Variants in P3H2 observed in about 807,000 individuals in gnomAD.
P3H2 encodes prolyl 3-hydroxylase 2.
In P3H2, 80 loss-of-function variants were observed where a neutral mutation model predicts 87.0. The ratio of observed to expected loss-of-function variants is 0.92; its 90% confidence interval spans 0.77 to 1.11. The LOEUF (loss-of-function observed/expected upper bound fraction) is 1.11, where lower values mean the gene tolerates loss of function less well. P3H2 is among the 50% of genes least tolerant of loss of function. The pLI, the probability that P3H2 is intolerant of heterozygous loss-of-function variation, is 0.00. For synonymous variants in P3H2, 367 were observed against 359.3 expected (o/e 1.02, Z -0.24); for missense variants, 1,001 against 923.9 (o/e 1.08, Z -1.08).
At chr3:190,112,082 T>C (rs763251090) in intron 1 of P3H2, among the ~76,000 whole-genome samples, 11 of 152,238 alleles carry the variant, frequency 7.2e-5, no homozygotes, top group Admixed American at 2.0e-4. Context: ...TATGCGCCAT[T>C]TGAAATCCTC....
intron 5 of P3H2, 86 bp from the exon 6 acceptor site, chr3:189,986,963 T>C: frequency 1.1e-6 from 1 of 896,844 alleles, no homozygotes; most frequent in Non-Finnish European, 1.9e-6. Flanking sequence ...AATATTTTCA[T>C]TAGATAGTCA....
At chr3:190,060,188 T>C (rs1263231914) in intron 1 of P3H2, among the ~76,000 whole-genome samples, 1 of 152,152 alleles carries the variant, frequency 6.6e-6, no homozygotes, top group African/African-American at 2.4e-5. Flanking sequence ...ATTCACTGCT[T>C]TGGAGGTTCC....
intron 1 of P3H2, among the ~76,000 whole-genome samples, chr3:190,066,066 G>A (rs1200929812): frequency 6.6e-5 from 10 of 151,612 alleles, no homozygotes; most frequent in African/African-American, 2.2e-4. Flanking sequence ...TGGTCTGAGA[G>A]AGTACTTGAT....
At chr3:189,985,142 C>A (rs192522320) in intron 6 of P3H2, among the ~76,000 whole-genome samples, 1 of 151,598 alleles carries the variant, frequency 6.6e-6, no homozygotes, top group African/African-American at 2.4e-5. Flanking sequence ...TATAAAAACA[C>A]GGCATAAGAA....
chr3:190,081,986 G>C (rs149602302), intron 1 of P3H2, among the ~76,000 whole-genome samples: 15 of 152,290 alleles, frequency 9.8e-5, no homozygotes, highest in African/African-American at 2.9e-4. Context: ...GGGCACAATG[G>C]GTCACGCCTG....
At chr3:190,029,280 G>T (rs1005079232) in intron 1 of P3H2, among the ~76,000 whole-genome samples, 3 of 152,198 alleles carry the variant, frequency 2.0e-5, no homozygotes, top group African/African-American at 7.2e-5. Flanking sequence ...TTTAGTCTCA[G>T]TCTCATGCTG....
At chr3:190,117,242 A>G (rs2108528320) in intron 1 of P3H2, among the ~76,000 whole-genome samples, 1 of 152,314 alleles carries the variant, frequency 6.6e-6, no homozygotes, top group Non-Finnish European at 1.5e-5. Context: ...GAACCAAGAA[A>G]TTGAACTCAT....
At chr3:190,068,669 C>T (rs577262041) in intron 1 of P3H2, among the ~76,000 whole-genome samples, 9 of 152,064 alleles carry the variant, frequency 5.9e-5, no homozygotes, top group Admixed American at 2.0e-4. Context: ...TGAAGGTGGA[C>T]GAGTAGACAG....
intron 1 of P3H2, among the ~76,000 whole-genome samples, chr3:190,068,929 T>C (rs1271284806): frequency 1.3e-5 from 2 of 152,190 alleles, no homozygotes; most frequent in Admixed American, 6.6e-5. Context: ...TCACATTTAA[T>C]ATCCTATTAC....
chr3:190,027,654 A>T (rs1031747075), intron 1 of P3H2, among the ~76,000 whole-genome samples: 1 of 150,690 alleles, frequency 6.6e-6, no homozygotes. Context: ...AATGGCAAAA[A>T]CTGCAATTAC....
At chr3:190,054,111 C>T (rs181811929) in intron 1 of P3H2, among the ~76,000 whole-genome samples, 1 of 152,280 alleles carries the variant, frequency 6.6e-6, no homozygotes, top group East Asian at 1.9e-4. Context: ...GCATTATACT[C>T]CAAGACCACT....
At chr3:189,974,330 G>A in intron 9 of P3H2, 1 of 632,612 alleles carries the variant, frequency 1.6e-6, no homozygotes, top group Non-Finnish European at 2.7e-6. Context: ...CTAGATGGCT[G>A]TTGGGCTAGG....
intron 1 of P3H2, among the ~76,000 whole-genome samples, chr3:190,075,112 T>A (rs1261629930): frequency 1.3e-5 from 2 of 152,160 alleles, no homozygotes; most frequent in East Asian, 3.9e-4. Context: ...CTGACAGAGA[T>A]CCTGTTCTCA....
intron 1 of P3H2, among the ~76,000 whole-genome samples, chr3:190,084,462 T>C (rs1331903718): frequency 6.6e-6 from 1 of 152,216 alleles, no homozygotes; most frequent in Non-Finnish European, 1.5e-5. Context: ...GACATACCTT[T>C]AGTCTTAGCT....
chr3:190,019,565 G>A (rs1230286), intron 1 of P3H2, among the ~76,000 whole-genome samples: 89,512 of 113,766 alleles, frequency 0.79, 36,492 homozygotes, highest in East Asian at 0.94. Context: ...GCTCATTATC[G>A]TTTCTATTAC....
chr3:189,975,535 T>A (rs1171336504), intron 8 of P3H2, among the ~76,000 whole-genome samples: 1 of 152,164 alleles, frequency 6.6e-6, no homozygotes, highest in Non-Finnish European at 1.5e-5. Context: ...ACACTGCTTC[T>A]AACCATTTAT....
chr3:190,003,036 T>C (rs1724264318), intron 1 of P3H2, among the ~76,000 whole-genome samples: 2 of 152,238 alleles, frequency 1.3e-5, no homozygotes, highest in African/African-American at 4.8e-5. Context: ...CAGTCATAGG[T>C]ATAAGTAACT....
intron 3 of P3H2, among the ~76,000 whole-genome samples, chr3:189,991,376 T>C (rs941300397): frequency 2.2e-4 from 34 of 152,256 alleles, no homozygotes; most frequent in African/African-American, 8.0e-4. Flanking sequence ...ATTGTCTCTA[T>C]AAGAAACCTT....
chr3:190,122,205 C>G (rs1318383260), upstream of P3H2: 2 of 151,464 alleles, frequency 1.3e-5, no homozygotes, highest in Non-Finnish European at 2.9e-5. Flanking sequence ...TCCCTTACCT[C>G]AAGGAATTAA....
Sources: gnomAD v4.1 joint callset for allele counts (sites outside exome capture counted in the v4.1 genomes callset) on GRCh38, gnomAD v4.1.1 for gene constraint, MANE v1.5 for transcripts, NCBI Gene and HGNC (gene_info 2026-07-23, HGNC 2026-07-21) for gene names.